CRMP1: variants seen among roughly 807,000 people sequenced by gnomAD.
CRMP1 encodes dihydropyrimidinase-related protein 1.
In CRMP1, 19 loss-of-function variants were observed where a neutral mutation model predicts 68.3. The observed-to-expected ratio is 0.28, with a 90% CI of 0.19 to 0.41. The LOEUF (loss-of-function observed/expected upper bound fraction) is 0.41. Among genes scored for constraint, CRMP1 ranks in the 10% least tolerant of loss-of-function variants. The probability of loss-of-function intolerance (pLI) is 1.00; values close to 1 mark genes in which losing one functional copy is unlikely to be tolerated. For synonymous variants in CRMP1, 439 were observed against 399.6 expected, an observed-to-expected ratio of 1.10 and a Z score of -1.18; for missense variants, 791 against 967.4, an observed-to-expected ratio of 0.82 and a Z score of 2.42.
intron 1 of CRMP1, among the ~76,000 whole-genome samples, chr4:5,885,872 T>C (rs955374679): frequency 1.4e-5 from 2 of 148,036 alleles, no homozygotes; most frequent in African/African-American, 5.0e-5. Flanking sequence ...TAACAGCCAA[T>C]GGGTTTGCCT....
In CRMP1 at chr4:5,841,069, A is replaced by T. The variant is rs1711685732; in HGVS notation, c.1153+239T>A. 6.6e-6 allele frequency among the ~76,000 whole-genome samples: 1 copy of T among 152,176 alleles called. No individual in the cohort carries two copies. The highest frequency in any genetic ancestry group is 1.5e-5 in the Non-Finnish European group (1 of 68,034). ...CTGAATTAATATGTGGATCCATTAG[A>T]TTAAACATAATATATTATTAAAATT... On this transcript the variant is annotated intron_variant, in intron 8 of 13. Coordinates refer to ENST00000324989, the MANE Select transcript of CRMP1 (RefSeq NM_001014809.3). This position sits in a 1 kb window ranked among gnomAD's most constrained non-coding sequence, Gnocchi z 6.9.
At position 5,825,015 on chromosome 4, in the gene CRMP1, G is replaced by A. The variant is rs1224067121; in HGVS notation, c.1969+479C>T. The A allele has an allele frequency of 1.0e-6, 1 of 985,042 alleles. No individual in the cohort carries two copies. Among genetic ancestry groups the A allele is most frequent in the African/African-American group, 1.7e-5 (1 of 57,178 alleles). 61.0% of individuals were successfully genotyped at this position (985,042 alleles called of 1,614,324 possible). A position where few individuals can be genotyped will look rare whatever the true frequency, so the allele number is the denominator to read the frequency against. On this transcript the variant is annotated intron_variant, in intron 13 of 13. Coordinates refer to ENST00000324989, the MANE Select transcript of CRMP1 (RefSeq NM_001014809.3). This position sits in a 1 kb window ranked among gnomAD's most constrained non-coding sequence, Gnocchi z 4.4. ...TTCCGTTTCCTCTTTAAATAAATAG[G>A]GTATAATGTTACTTTATGGAGTAGT...
rs1395323073 is a variant in CRMP1 at position 5,824,431 on chromosome 4, TC to T, written c.1969+1062del. On this transcript the variant is annotated intron_variant, in intron 13 of 13. Coordinates refer to ENST00000324989, the MANE Select transcript of CRMP1 (RefSeq NM_001014809.3). ...CGGCATAATCACTGAATCAGACACT[TC>T]CTGAATGGATAAGAGGTTCTGCCAC... The T allele has an allele frequency of 6.1e-6, 6 of 985,328 alleles. No homozygotes were observed. The African/African-American group carries it at 8.7e-5, about 14-fold the overall frequency. The allele number at this position is 985,328 out of a possible 1,614,324, so 61.0% of individuals were successfully genotyped here. A position where few individuals can be genotyped will look rare whatever the true frequency, so the allele number is the denominator to read the frequency against.
At chr4:5,844,725 G>T (rs577316020) in intron 6 of CRMP1, among the ~76,000 whole-genome samples, 2 of 152,346 alleles carry the variant, frequency 1.3e-5, no homozygotes, top group African/African-American at 4.8e-5. Context: ...CAGGAGCTGG[G>T]GGCTGCAGGC....
At chr4:5,856,440 C>T (rs963419821) in intron 3 of CRMP1, 133 bp from the exon 4 acceptor site, 9 of 685,060 alleles carry the variant, frequency 1.3e-5, no homozygotes, top group Admixed American at 2.7e-5. Flanking sequence ...ATTATCACAC[C>T]ATCACCATTA....
chr4:5,836,439 C>T (rs1477872846), intron 10 of CRMP1, among the ~76,000 whole-genome samples: 1 of 152,228 alleles, frequency 6.6e-6, no homozygotes, highest in East Asian at 1.9e-4. Flanking sequence ...CTCAACATCC[C>T]AACTCCTAAC....
rs926559600 is a variant in CRMP1 at position 5,877,449 on chromosome 4, TG to T, written c.382-10694del. Among the ~76,000 whole-genome samples the T allele has an allele frequency of 3.3e-5, 5 of 152,232 alleles. No homozygotes were observed. Among genetic ancestry groups the T allele is most frequent in the African/African-American group, 1.2e-4 (5 of 41,460 alleles). Reference sequence around the variant, plus strand: ...TTCCCCTTGAGCAAGCTCCCCACTCTGGCCTCCTTGCAACGGCAAGTGCTGC... The same window carrying T: ...TTCCCCTTGAGCAAGCTCCCCACTCTGCCTCCTTGCAACGGCAAGTGCTGC... On this transcript the variant is annotated intron_variant, in intron 1 of 13. Transcript: ENST00000324989. This position sits in a 1 kb window ranked among gnomAD's most constrained non-coding sequence, Gnocchi z 4.3.
chr4:5,874,400 T>G (rs976054932), intron 1 of CRMP1, among the ~76,000 whole-genome samples: 2 of 152,194 alleles, frequency 1.3e-5, no homozygotes, highest in African/African-American at 4.8e-5. Context: ...TACGGAGACT[T>G]TGGGGTCCAC....
At chr4:5,887,807 G>A (rs1715702077) in intron 1 of CRMP1, 2 of 992,764 alleles carry the variant, frequency 2.0e-6, no homozygotes, top group African/African-American at 1.7e-5. Context: ...CGGGCTGTGG[G>A]GTGCATGGGC....
chr4:5,824,532 A>C, intron 13 of CRMP1: 2 of 984,884 alleles, frequency 2.0e-6, no homozygotes, highest in Non-Finnish European at 1.2e-6. Flanking sequence ...TTTGCTAAGC[A>C]TATCGCCTTT....
rs948235066 is a variant in CRMP1 at position 5,825,903 on chromosome 4, G to A, written c.1804-244C>T. ...TACCCACATGCATACACATACAGAC[G>A]CACACACCACGCACACGCACTCACA... On this transcript the variant is annotated intron_variant, in intron 12 of 13. Transcript: ENST00000324989. The surrounding 1 kb of genome is among the most constrained non-coding windows in gnomAD (Gnocchi z 4.4). The A allele has an allele frequency of 2.7e-5, 14 of 513,216 alleles. No individual in the cohort carries two copies. The highest frequency in any genetic ancestry group is 1.3e-4 in the African/African-American group (6 of 45,136). 31.8% of individuals were successfully genotyped at this position (513,216 alleles called of 1,614,324 possible).
At chr4:5,857,335 C>G (rs1169196444) in intron 3 of CRMP1, among the ~76,000 whole-genome samples, 1 of 151,522 alleles carries the variant, frequency 6.6e-6, no homozygotes, top group African/African-American at 2.4e-5. Flanking sequence ...CTATTATCAC[C>G]CCATCGCCAT....
At chr4:5,887,521 G>A in intron 1 of CRMP1, 2 of 985,010 alleles carry the variant, frequency 2.0e-6, no homozygotes, top group Non-Finnish European at 2.4e-6. Context: ...CGTAAAGACG[G>A]GGATTCCTTT....
rs935688222 is a variant in CRMP1 at position 5,858,294 on chromosome 4, C to G, written c.656-1987G>C. On this transcript the variant is annotated intron_variant, in intron 3 of 13. Coordinates refer to ENST00000324989, the MANE Select transcript of CRMP1 (RefSeq NM_001014809.3). The surrounding 1 kb of genome is among the most constrained non-coding windows in gnomAD (Gnocchi z 5.5). ...TTTGTGCCAGCTCATTGAAACACACCACTTGCTCTGAGCTACAGAACTCTG... is the reference window on the plus strand; with the variant it reads ...TTTGTGCCAGCTCATTGAAACACACGACTTGCTCTGAGCTACAGAACTCTG... 7.9e-5 allele frequency among the ~76,000 whole-genome samples: 12 copies of G among 152,104 alleles called. No homozygotes were observed. The highest frequency in any genetic ancestry group is 2.9e-4 in the African/African-American group (12 of 41,414).
intron 2 of CRMP1, among the ~76,000 whole-genome samples, chr4:5,862,098 T>A (rs2152468298): frequency 6.6e-6 from 1 of 152,230 alleles, no homozygotes; most frequent in South Asian, 2.1e-4. Flanking sequence ...CACACTGTCC[T>A]CTTAACCCAG....
rs1473421917 is a variant in CRMP1, at chr4:5,883,944, T to A, written c.381+8645A>T. On this transcript the variant is annotated intron_variant, in intron 1 of 13. Transcript: ENST00000324989. The surrounding 1 kb of genome is among the most constrained non-coding windows in gnomAD (Gnocchi z 4.5). Reference sequence around the variant, plus strand: ...CTGAGACATTTTTAAGAATTTGATTTAAACAAAATAATGTTTTCCCTAAAA... The same window carrying A: ...CTGAGACATTTTTAAGAATTTGATTAAAACAAAATAATGTTTTCCCTAAAA... Among the ~76,000 whole-genome samples the A allele has an allele frequency of 6.6e-6, 1 of 152,248 alleles. No homozygotes were observed. Among genetic ancestry groups the A allele is most frequent in the Non-Finnish European group, 1.5e-5 (1 of 68,042 alleles).
rs1395467303 is a variant in CRMP1 at position 5,866,658 on chromosome 4, A to G, written c.470+10T>C. Reference sequence around the variant, plus strand: ...CAGGTTTCTTAAAAGGTCCGTTTTGATCAACCCACTTGATAAGTCCATCCT... The same window carrying G: ...CAGGTTTCTTAAAAGGTCCGTTTTGGTCAACCCACTTGATAAGTCCATCCT... On this transcript the variant is annotated intron_variant, in intron 2 of 13. Coordinates refer to ENST00000324989, the MANE Select transcript of CRMP1 (RefSeq NM_001014809.3). The surrounding 1 kb of genome is among the most constrained non-coding windows in gnomAD (Gnocchi z 5.9). The G allele has an allele frequency of 2.5e-6, 4 of 1,607,472 alleles. No individual in the cohort carries two copies. The East Asian group carries it at 8.9e-5, about 36-fold the overall frequency.
chr4:5,846,229 G>C (rs1712186866), intron 6 of CRMP1, among the ~76,000 whole-genome samples: 1 of 152,170 alleles, frequency 6.6e-6, no homozygotes. Context: ...CCAGGAGACG[G>C]GGGCTGCAAT....
At chr4:5,873,562 G>T (rs969482248) in intron 1 of CRMP1, among the ~76,000 whole-genome samples, 16 of 151,832 alleles carry the variant, frequency 1.1e-4, no homozygotes, top group African/African-American at 3.9e-4. Flanking sequence ...AGAGTGGGGA[G>T]GTACCAGAAT....
Sources: gnomAD v4.1 joint callset for allele counts (sites outside exome capture counted in the v4.1 genomes callset) on GRCh38, gnomAD v4.1.1 for gene constraint, Gnocchi (gnomAD v3.1) non-coding constraint, MANE v1.5 for transcripts, NCBI Gene and HGNC (gene_info 2026-07-23, HGNC 2026-07-21) for gene names.